Variants in IPO8 observed in about 807,000 individuals in gnomAD.
IPO8 encodes importin-8.
IPO8 carries 65 observed loss-of-function variants against 141.2 expected under a neutral mutation model. The ratio of observed to expected loss-of-function variants is 0.46; its 90% CI spans 0.38 to 0.57. The LOEUF (loss-of-function observed/expected upper bound fraction) is 0.57. Among genes scored for constraint, IPO8 ranks in the 20% least tolerant of loss-of-function variants. The probability of loss-of-function intolerance (pLI) is 0.00; values close to 1 mark genes in which losing one functional copy is unlikely to be tolerated. For missense variants in IPO8, 980 were observed against 1,246.8 expected (o/e 0.79, Z 3.22); for synonymous variants, 411 against 420.3 (o/e 0.98, Z 0.27).
intron 17 of IPO8, among the ~76,000 whole-genome samples, chr12:30,654,183 C>A (rs2052765549): frequency 6.6e-6 from 1 of 151,944 alleles, no homozygotes; most frequent in African/African-American, 2.4e-5. Flanking sequence ...TCATCTTACA[C>A]CACATACAAA....
chr12:30,679,126 A>T (rs2053159005), intron 5 of IPO8, among the ~76,000 whole-genome samples: 1 of 152,182 alleles, frequency 6.6e-6, no homozygotes, highest in Non-Finnish European at 1.5e-5. Context: ...GACCTGACCC[A>T]CTGCACCCGG....
At chr12:30,683,980 A>G (rs1591844791) in intron 3 of IPO8, among the ~76,000 whole-genome samples, 1 of 152,212 alleles carries the variant, frequency 6.6e-6, no homozygotes, top group Non-Finnish European at 1.5e-5. Flanking sequence ...TAGTAAAAAA[A>G]CTCAAGAGAT....
intron 9 of IPO8, 72 bp downstream of exon 9, chr12:30,670,890 T>C (rs1225688888): frequency 7.1e-6 from 9 of 1,260,810 alleles, no homozygotes; most frequent in Non-Finnish European, 1.0e-5. Context: ...ATAGGATTAG[T>C]AATACTAACT....
Position 30,695,537 on chromosome 12 carries a change from G to A in IPO8, c.84+27C>T, listed in dbSNP as rs768423720. On this transcript the variant is annotated intron_variant, in intron 1 of 24. Transcript: ENST00000256079. This position sits in a 1 kb window ranked among gnomAD's most constrained non-coding sequence, Gnocchi z 4.2. ...CGGCAGGGGCGCCCCTTCGGCGGAA[G>A]AGGGTCGCCGAAGACCCTCTCCTCA... The A allele has an allele frequency of 3.1e-6, 5 of 1,602,640 alleles. No individual in the cohort carries two copies. The South Asian group carries it at 3.3e-5, about 11-fold the overall frequency.
intron 20 of IPO8, among the ~76,000 whole-genome samples, chr12:30,644,329 C>A (rs2052612112): frequency 6.6e-6 from 1 of 150,860 alleles, no homozygotes; most frequent in Non-Finnish European, 1.5e-5. Context: ...TACGACTGCA[C>A]CATTGCACTC....
In IPO8 at chr12:30,676,519, A is replaced by G; in HGVS notation, c.708T>C (p.Ile236=). ...MTTWMEIFRT[I]IDRTVPPETL... Reference sequence around the variant, plus strand: ...TTACAGGAGGAACGGTCCTGTCGATAATAGTTCGGAAGATCTCCATCCATG... The same window carrying G: ...TTACAGGAGGAACGGTCCTGTCGATGATAGTTCGGAAGATCTCCATCCATG... The change falls in exon 6 of 25, where the codon ATT becomes ATC. Residue 236 remains isoleucine (I), a synonymous_variant. Coordinates refer to ENST00000256079, the MANE Select transcript of IPO8 (RefSeq NM_006390.4). 6.2e-7 allele frequency: 1 copy of G among 1,613,226 alleles called. No homozygotes were observed. The highest frequency in any genetic ancestry group is 8.5e-7 in the Non-Finnish European group (1 of 1,179,304).
At chr12:30,668,201 T>C (rs1044597939) in intron 10 of IPO8, among the ~76,000 whole-genome samples, 1 of 152,192 alleles carries the variant, frequency 6.6e-6, no homozygotes, top group African/African-American at 2.4e-5. Context: ...AAGCAGATGA[T>C]AAATGTTTCT....
At chr12:30,684,229 T>C in intron 3 of IPO8, 72 bp downstream of exon 3, 1 of 1,394,962 alleles carries the variant, frequency 7.2e-7, no homozygotes, top group Admixed American at 1.9e-5. Flanking sequence ...AAGGATTAGA[T>C]CCAACAGCAC....
At chr12:30,635,203 C>T (rs1182697293) in intron 22 of IPO8, among the ~76,000 whole-genome samples, 1 of 151,982 alleles carries the variant, frequency 6.6e-6, no homozygotes, top group South Asian at 2.1e-4. Flanking sequence ...GGTACAAAGT[C>T]TCAGGAAGAA....
At chr12:30,666,395 T>C in intron 10 of IPO8, 144 bp from the exon 11 acceptor site, 1 of 489,490 alleles carries the variant, frequency 2.0e-6, no homozygotes, top group Non-Finnish European at 3.6e-6. Context: ...AAGGTAAGGA[T>C]ATACAGTGGC....
chr12:30,681,596 T>C, intron 4 of IPO8, 63 bp downstream of exon 4: 1 of 1,501,798 alleles, frequency 6.7e-7, no homozygotes, highest in Non-Finnish European at 9.1e-7. Context: ...GACCACTCTT[T>C]GCAACTTCAT....
intron 20 of IPO8, among the ~76,000 whole-genome samples, chr12:30,642,848 G>T (rs952372533): frequency 6.6e-6 from 1 of 151,814 alleles, no homozygotes; most frequent in African/African-American, 2.4e-5. Flanking sequence ...AGGTTAAAAG[G>T]GCTCATAAGA....
At chr12:30,656,811 T>A (rs891662353) in intron 16 of IPO8, 61 bp from the exon 17 acceptor site, 1 of 788,610 alleles carries the variant, frequency 1.3e-6, no homozygotes, top group Non-Finnish European at 1.9e-6. Flanking sequence ...AAATTTAATA[T>A]TGTGCCAATA....
At chr12:30,659,381 G>C (rs1296806329) in intron 16 of IPO8, among the ~76,000 whole-genome samples, 1 of 151,930 alleles carries the variant, frequency 6.6e-6, no homozygotes, top group Non-Finnish European at 1.5e-5. Flanking sequence ...GGGAGGCTGA[G>C]GCAGCACAAT....
intron 19 of IPO8, among the ~76,000 whole-genome samples, chr12:30,651,658 T>C (rs1229130756): frequency 1.3e-5 from 2 of 152,040 alleles, no homozygotes. Context: ...AGATAACCAA[T>C]AGTGGGCCAA....
chr12:30,644,942 T>G (rs1391608414), intron 20 of IPO8, among the ~76,000 whole-genome samples: 4 of 151,678 alleles, frequency 2.6e-5, no homozygotes, highest in Admixed American at 1.3e-4. Flanking sequence ...CGTAAGCCAC[T>G]GCGCCCCGCC....
intron 14 of IPO8, among the ~76,000 whole-genome samples, chr12:30,663,284 T>C (rs1331652927): frequency 1.3e-5 from 2 of 152,132 alleles, no homozygotes; most frequent in African/African-American, 4.8e-5. Context: ...CCACAATGAT[T>C]AACATGTTTC....
intron 19 of IPO8, among the ~76,000 whole-genome samples, chr12:30,650,874 T>C (rs1014497221): frequency 4.6e-5 from 7 of 152,068 alleles, no homozygotes; most frequent in African/African-American, 7.2e-5. Flanking sequence ...AAACTATGTC[T>C]TAGTTTCCTT....
intron 2 of IPO8, among the ~76,000 whole-genome samples, chr12:30,687,212 ATAGAT>A (rs1463790150): frequency 1.3e-5 from 2 of 152,206 alleles, no homozygotes; most frequent in Non-Finnish European, 2.9e-5. Flanking sequence ...TATTTTAATA[ATAGAT>A]TAAATAGAGC....
Sources: allele counts gnomAD v4.1 joint callset (sites outside exome capture counted in the v4.1 genomes callset), GRCh38; gene constraint gnomAD v4.1.1; non-coding constraint Gnocchi (gnomAD v3.1); transcripts MANE v1.5; gene names NCBI Gene and HGNC (gene_info 2026-07-23, HGNC 2026-07-21).